N4BP2L2: variants seen among roughly 807,000 people sequenced by gnomAD.
The protein encoded by N4BP2L2 is NEDD4 binding protein 2 like 2.
A neutral mutation model predicts 56.2 loss-of-function variants in N4BP2L2; 50 were observed. The observed-to-expected ratio is 0.89, with a 90% confidence interval of 0.71 to 1.13. The LOEUF (loss-of-function observed/expected upper bound fraction) is 1.13. N4BP2L2 is among the 50% of genes most tolerant of loss of function. The pLI is 0.00. For synonymous variants in N4BP2L2, 203 were observed against 223.6 expected, an observed-to-expected ratio of 0.91 and a Z score of 0.82; for missense variants, 689 against 693.8, an observed-to-expected ratio of 0.99 and a Z score of 0.08.
intron 6 of N4BP2L2, among the ~76,000 whole-genome samples, chr13:32,494,829 G>C (rs1019605802): frequency 4.6e-5 from 7 of 152,084 alleles, no homozygotes; most frequent in Non-Finnish European, 8.8e-5. Context: ...AGAATATCCT[G>C]CCCTAGCTGT....
At chr13:32,520,950 T>C (rs2050720970) in intron 5 of N4BP2L2, among the ~76,000 whole-genome samples, 1 of 152,206 alleles carries the variant, frequency 6.6e-6, no homozygotes, top group Admixed American at 6.5e-5. Context: ...CTAGTCATGA[T>C]TTGCTGCAGA....
chr13:32,491,633 ATATTTT>A (rs1459917984), intron 6 of N4BP2L2, among the ~76,000 whole-genome samples: 13 of 114,056 alleles, frequency 1.1e-4, no homozygotes, highest in South Asian at 5.6e-4. Flanking sequence ...ATATATATAT[ATATTTT>A]TTTTTTTTTT....
At chr13:32,518,446 T>C (rs1339141999) in intron 5 of N4BP2L2, among the ~76,000 whole-genome samples, 1 of 152,188 alleles carries the variant, frequency 6.6e-6, no homozygotes, top group Non-Finnish European at 1.5e-5. Context: ...CAAATTATTA[T>C]TACAGACACA....
At chr13:32,474,054 T>C (rs1444729512) in intron 6 of N4BP2L2, among the ~76,000 whole-genome samples, 1 of 152,210 alleles carries the variant, frequency 6.6e-6, no homozygotes, top group Non-Finnish European at 1.5e-5. Flanking sequence ...TGCTTGCATA[T>C]AATAAGGGTA....
intron 1 of N4BP2L2, among the ~76,000 whole-genome samples, chr13:32,538,233 C>A (rs1387288099): frequency 6.6e-6 from 1 of 152,154 alleles, no homozygotes; most frequent in Non-Finnish European, 1.5e-5. Flanking sequence ...TGCAAGCAGG[C>A]CACAGAGCTG....
At chr13:32,477,714 G>A (rs907300603) in intron 6 of N4BP2L2, 22 of 424,644 alleles carry the variant, frequency 5.2e-5, no homozygotes, top group Admixed American at 1.1e-4. Flanking sequence ...AGACCTAATC[G>A]TCATTTCTTA....
intron 6 of N4BP2L2, among the ~76,000 whole-genome samples, chr13:32,472,510 A>C (rs2082506992): frequency 6.6e-6 from 1 of 152,194 alleles, no homozygotes; most frequent in Non-Finnish European, 1.5e-5. Flanking sequence ...CTGACCAAGG[A>C]AGGCACGTTC....
At chr13:32,458,402 A>G (rs1179079605) in intron 6 of N4BP2L2, among the ~76,000 whole-genome samples, 1 of 152,188 alleles carries the variant, frequency 6.6e-6, no homozygotes. Context: ...CATGCTGCCT[A>G]CAAGAAACTC....
chr13:32,433,344 G>A (rs1593347408), intron 9 of N4BP2L2, among the ~76,000 whole-genome samples: 1 of 152,366 alleles, frequency 6.6e-6, no homozygotes, highest in East Asian at 1.9e-4. Context: ...CAAAGGCAAT[G>A]TTTTGGCTGG....
At chr13:32,471,178 T>G (rs372667418) in intron 6 of N4BP2L2, among the ~76,000 whole-genome samples, 1 of 152,152 alleles carries the variant, frequency 6.6e-6, no homozygotes, top group African/African-American at 2.4e-5. Context: ...CTGGGGCCTA[T>G]GTGCCAAACC....
rs1403656970 is a variant in N4BP2L2 at position 32,526,848 on chromosome 13, C to CT, written c.1384+559dup. Reference sequence around the variant, plus strand: ...TTTTTTTTTTTTTTTTTTTTTTTTGCTTTTTTTTAAAGTCCCCAAGAAATT... The same window carrying CT: ...TTTTTTTTTTTTTTTTTTTTTTTTGCTTTTTTTTTAAAGTCCCCAAGAAATT... On this transcript the variant is annotated intron_variant, in intron 3 of 5. Coordinates refer to ENST00000267068, the Ensembl canonical transcript of N4BP2L2. 4.4e-3 allele frequency: 220 copies of CT among 49,784 alleles called. 1 individual carries two copies. Among genetic ancestry groups the CT allele is most frequent in the African/African-American group, 0.014 (201 of 14,184 alleles). The allele number at this position is 49,784 out of a possible 1,614,324, so 3.1% of individuals were successfully genotyped here. A position where few individuals can be genotyped will look rare whatever the true frequency, so the allele number is the denominator to read the frequency against.
chr13:32,473,150 T>C (rs1429026861), intron 6 of N4BP2L2, among the ~76,000 whole-genome samples: 2 of 151,660 alleles, frequency 1.3e-5, no homozygotes, highest in African/African-American at 4.8e-5. Flanking sequence ...GGCAAGGTAG[T>C]GGGCACCTGT....
At chr13:32,452,114 T>C (rs1397055339) in intron 6 of N4BP2L2, among the ~76,000 whole-genome samples, 3 of 150,514 alleles carry the variant, frequency 2.0e-5, no homozygotes, top group Non-Finnish European at 4.4e-5. Context: ...CAGGCTGGAG[T>C]GCAATGGTGC....
chr13:32,501,979 C>T (rs897111483), intron 6 of N4BP2L2, among the ~76,000 whole-genome samples: 3 of 151,612 alleles, frequency 2.0e-5, no homozygotes, highest in Non-Finnish European at 2.9e-5. Flanking sequence ...CAGACTAATC[C>T]ATCTATGCCA....
downstream of N4BP2L2, chr13:32,507,248 T>G (rs570628972): frequency 6.6e-6 from 1 of 152,160 alleles, no homozygotes; most frequent in Non-Finnish European, 1.5e-5. Context: ...AGATCACAGG[T>G]TCAATTGGAG....
intron 6 of N4BP2L2, among the ~76,000 whole-genome samples, chr13:32,483,404 T>C (rs1002494527): frequency 3.9e-5 from 6 of 152,242 alleles, no homozygotes; most frequent in Non-Finnish European, 8.8e-5. Flanking sequence ...CTCTATATTC[T>C]TATCTAAAAT....
At chr13:32,528,372 A>T (rs1035741182) in intron 2 of N4BP2L2, among the ~76,000 whole-genome samples, 1 of 152,248 alleles carries the variant, frequency 6.6e-6, no homozygotes, top group African/African-American at 2.4e-5. Flanking sequence ...GATCCTCCAA[A>T]GTATAATCAA....
exon 8 of N4BP2L2, chr13:32,438,692 G>A (rs2138200814): frequency 5.0e-6 from 8 of 1,611,022 alleles, no homozygotes; most frequent in Non-Finnish European, 6.8e-6. Flanking sequence ...CATCTTTAGT[G>A]TCTTCCAGTC....
exon 7 of N4BP2L2, chr13:32,442,970 C>T (rs752716368): frequency 6.2e-7 from 1 of 1,613,598 alleles, no homozygotes; most frequent in Middle Eastern, 1.7e-4. Flanking sequence ...ATTTTTAGTC[C>T]ATGGTTTTTT....
Sources: gnomAD v4.1 joint callset for allele counts (sites outside exome capture counted in the v4.1 genomes callset) on GRCh38, gnomAD v4.1.1 for gene constraint, MANE v1.5 for transcripts, NCBI Gene and HGNC (gene_info 2026-07-23, HGNC 2026-07-21) for gene names.